WWP2: variants seen among roughly 807,000 people sequenced by gnomAD.
The protein encoded by WWP2 is NEDD4-like E3 ubiquitin-protein ligase WWP2.
In WWP2, 57 loss-of-function variants were observed where a neutral mutation model predicts 121.0. The observed-to-expected ratio is 0.47, with a 90% confidence interval of 0.38 to 0.59. The LOEUF is 0.59. WWP2 is among the 20% of genes least tolerant of loss of function. The probability of loss-of-function intolerance (pLI) is 0.00; values close to 1 mark genes in which losing one functional copy is unlikely to be tolerated. For synonymous variants in WWP2, 449 were observed against 441.3 expected (o/e 1.02, Z -0.22); for missense variants, 962 against 1,158.9 (o/e 0.83, Z 2.47).
At chr16:69,920,834 T>A (rs992878162) in intron 10 of WWP2, among the ~76,000 whole-genome samples, 2 of 152,182 alleles carry the variant, frequency 1.3e-5, no homozygotes, top group African/African-American at 4.8e-5. Flanking sequence ...TTTTTTTCCC[T>A]TAAAAGCCCC....
intron 2 of WWP2, among the ~76,000 whole-genome samples, chr16:69,794,038 C>T (rs1439697704): frequency 1.3e-5 from 2 of 151,316 alleles, no homozygotes; most frequent in Non-Finnish European, 2.9e-5. Context: ...GTGTCTTAGC[C>T]TCCTGAATAG....
At chr16:69,779,253 G>A (rs1247165692) in intron 1 of WWP2, among the ~76,000 whole-genome samples, 2 of 152,166 alleles carry the variant, frequency 1.3e-5, no homozygotes, top group African/African-American at 2.4e-5. Context: ...GCGTGGCCCC[G>A]GCCGGTTATT....
rs1720367530 is a variant in WWP2, at chr16:69,937,672, C to T, written c.2343+20C>T. The T allele has an allele frequency of 1.2e-6, 2 of 1,612,282 alleles. No individual in the cohort carries two copies. The highest frequency in any genetic ancestry group is 2.7e-5 in the African/African-American group (2 of 74,864). On this transcript the variant is annotated intron_variant, in intron 21 of 23. Transcript: ENST00000359154. This position sits in a 1 kb window ranked among gnomAD's most constrained non-coding sequence, Gnocchi z 6.6. ...TGGCAGGTGGGTCCCGGGCCCAGGC[C>T]TTGGCAGGGACATTTGGGCCATCAA...
chr16:69,892,847 TA>T (rs959867383), intron 8 of WWP2, among the ~76,000 whole-genome samples: 1 of 152,246 alleles, frequency 6.6e-6, no homozygotes, highest in African/African-American at 2.4e-5. Flanking sequence ...TTTTAACTTT[TA>T]AAAATAAAAC....
chr16:69,821,726 T>G (rs1248482000), intron 4 of WWP2, among the ~76,000 whole-genome samples: 2 of 53,884 alleles, frequency 3.7e-5, no homozygotes, highest in East Asian at 1.4e-3. Context: ...CTTTCTTACT[T>G]TTTTTTTTTT....
At chr16:69,934,569 A>G (rs1011771967) in intron 17 of WWP2, among the ~76,000 whole-genome samples, 4 of 152,014 alleles carry the variant, frequency 2.6e-5, no homozygotes, top group East Asian at 1.9e-4. Flanking sequence ...AGGTGAAACC[A>G]TAGCTGCCCA....
At chr16:69,897,571 A>G (rs2058124756) in intron 8 of WWP2, among the ~76,000 whole-genome samples, 1 of 152,210 alleles carries the variant, frequency 6.6e-6, no homozygotes, top group African/African-American at 2.4e-5. Context: ...TTACATGAAC[A>G]GATAAAAATT....
At chr16:69,928,383 T>G (rs2058668426) in intron 11 of WWP2, among the ~76,000 whole-genome samples, 1 of 151,872 alleles carries the variant, frequency 6.6e-6, no homozygotes, top group African/African-American at 2.4e-5. Context: ...CCTGTCTACC[T>G]GGAGCTGAGA....
chr16:69,859,869 A>G (rs1034635048), intron 6 of WWP2, among the ~76,000 whole-genome samples: 1 of 81,662 alleles, frequency 1.2e-5, no homozygotes, highest in Non-Finnish European at 2.6e-5. Flanking sequence ...ACCGCCCCCC[A>G]CCCCCGCCCC....
intron 4 of WWP2, among the ~76,000 whole-genome samples, chr16:69,800,496 G>A (rs966637802): frequency 6.6e-6 from 1 of 151,868 alleles, no homozygotes; most frequent in South Asian, 2.1e-4. Context: ...AGTCCTTGTA[G>A]AAATTGTAAA....
intron 6 of WWP2, among the ~76,000 whole-genome samples, chr16:69,856,871 C>G (rs1256875379): frequency 6.6e-6 from 1 of 152,106 alleles, no homozygotes; most frequent in Non-Finnish European, 1.5e-5. Flanking sequence ...TTTGTGTCCA[C>G]TTGGCATATT....
intron 4 of WWP2, among the ~76,000 whole-genome samples, chr16:69,834,021 A>G (rs144666460): frequency 1.5e-4 from 23 of 152,322 alleles, no homozygotes; most frequent in Non-Finnish European, 2.6e-4. Flanking sequence ...TGCCTGGATT[A>G]CCACAGTGAC....
intron 7 of WWP2, among the ~76,000 whole-genome samples, chr16:69,878,913 C>T (rs1215278837): frequency 6.6e-6 from 1 of 152,090 alleles, no homozygotes; most frequent in African/African-American, 2.4e-5. Context: ...CTAAGAGGAT[C>T]AATCATATAT....
chr16:69,892,485 T>G (rs1363968143), intron 8 of WWP2, among the ~76,000 whole-genome samples: 2 of 152,208 alleles, frequency 1.3e-5, no homozygotes, highest in Non-Finnish European at 2.9e-5. Flanking sequence ...CAGACCAAAT[T>G]ACCATGATCT....
intron 8 of WWP2, among the ~76,000 whole-genome samples, chr16:69,897,596 T>C (rs2058125427): frequency 6.6e-6 from 1 of 152,174 alleles, no homozygotes; most frequent in South Asian, 2.1e-4. Flanking sequence ...CATTTACTTG[T>C]TTCTTGACAG....
chr16:69,926,241 T>A (rs913154274), intron 11 of WWP2: 4 of 152,136 alleles, frequency 2.6e-5, no homozygotes, highest in African/African-American at 9.7e-5. Flanking sequence ...ATGATGAGAC[T>A]TAGCGCATTT....
At chr16:69,907,364 T>A (rs1367756660) in intron 8 of WWP2, among the ~76,000 whole-genome samples, 1 of 152,198 alleles carries the variant, frequency 6.6e-6, no homozygotes, top group Non-Finnish European at 1.5e-5. Flanking sequence ...GCTCACATCG[T>A]CCGCTTCTAT....
At chr16:69,904,761 G>A (rs924652523) in intron 8 of WWP2, among the ~76,000 whole-genome samples, 36 of 152,224 alleles carry the variant, frequency 2.4e-4, no homozygotes, top group African/African-American at 8.7e-4. Flanking sequence ...TTTTGCAGTG[G>A]GAGGAACCAG....
At chr16:69,939,228 G>A in intron 22 of WWP2, 105 bp downstream of exon 22, 1 of 1,560,836 alleles carries the variant, frequency 6.4e-7, no homozygotes, top group East Asian at 2.3e-5. Flanking sequence ...GGATGGAGAA[G>A]AGCTGTGGCC....
Sources: allele counts gnomAD v4.1 joint callset (sites outside exome capture counted in the v4.1 genomes callset), GRCh38; gene constraint gnomAD v4.1.1; non-coding constraint Gnocchi (gnomAD v3.1); transcripts MANE v1.5; gene names NCBI Gene and HGNC (gene_info 2026-07-23, HGNC 2026-07-21).